Variants in ZNF804A observed in about 807,000 individuals in gnomAD.
ZNF804A encodes zinc finger protein 804A.
In ZNF804A, 2 loss-of-function variants were observed where a neutral mutation model predicts 16.5. The observed-to-expected ratio is 0.12, with a 90% CI of 0.05 to 0.38. The LOEUF (loss-of-function observed/expected upper bound fraction) is 0.38. Among genes scored for constraint, ZNF804A ranks in the 10% least tolerant of loss-of-function variants. The pLI is 0.99. For synonymous variants in ZNF804A, 534 were observed against 489.6 expected, an observed-to-expected ratio of 1.09 and a Z score of -1.20; for missense variants, 1,473 against 1,390.7, an observed-to-expected ratio of 1.06 and a Z score of -0.94.
chr2:184,822,209 C>G (rs1329242630), intron 1 of ZNF804A, among the ~76,000 whole-genome samples: 1 of 152,084 alleles, frequency 6.6e-6, no homozygotes, highest in East Asian at 1.9e-4. Flanking sequence ...TACATATACA[C>G]CATGGAATAC....
chr2:184,761,250 T>C (rs925477008), intron 1 of ZNF804A, among the ~76,000 whole-genome samples: 2 of 152,120 alleles, frequency 1.3e-5, no homozygotes, highest in East Asian at 1.9e-4. Flanking sequence ...GCAAGCACAG[T>C]TGGGATATTT....
chr2:184,661,580 A>G (rs1190181102), intron 1 of ZNF804A, among the ~76,000 whole-genome samples: 2 of 152,192 alleles, frequency 1.3e-5, no homozygotes, highest in African/African-American at 4.8e-5. Context: ...CTGGTCCAGC[A>G]GTAGGCTTGG....
intron 1 of ZNF804A, among the ~76,000 whole-genome samples, chr2:184,644,781 A>G (rs1305143665): frequency 6.6e-6 from 1 of 152,052 alleles, no homozygotes; most frequent in Non-Finnish European, 1.5e-5. Flanking sequence ...TTTTCATTTT[A>G]AGAATTATCA....
At chr2:184,842,605 T>C (rs147456970) in intron 1 of ZNF804A, among the ~76,000 whole-genome samples, 7 of 152,168 alleles carry the variant, frequency 4.6e-5, no homozygotes, top group Non-Finnish European at 8.8e-5. Context: ...TTTTAAAATC[T>C]GTATTTGACT....
At position 184,714,602 on chromosome 2, in the gene ZNF804A, A is replaced by G. The variant is rs554405734; in HGVS notation, c.111+115532A>G. 7.9e-5 allele frequency among the ~76,000 whole-genome samples: 12 copies of G among 152,240 alleles called. No homozygotes were observed. The South Asian group carries it at 2.5e-3, about 32-fold the overall frequency. On this transcript the variant is annotated intron_variant, in intron 1 of 3. Coordinates refer to ENST00000302277, the MANE Select transcript of ZNF804A (RefSeq NM_194250.2). Reference sequence around the variant, plus strand: ...TAAGAAAGCATTCAGAGAACAGTGAATGTGAAGAGTGGCTTGGTTGCTGTA... The same window carrying G: ...TAAGAAAGCATTCAGAGAACAGTGAGTGTGAAGAGTGGCTTGGTTGCTGTA...
At chr2:184,840,489 A>G (rs952107138) in intron 1 of ZNF804A, among the ~76,000 whole-genome samples, 1 of 152,174 alleles carries the variant, frequency 6.6e-6, no homozygotes, top group Non-Finnish European at 1.5e-5. Flanking sequence ...TTCAAGAAAT[A>G]ACATGTTAAA....
At chr2:184,641,956 C>T (rs1487338456) in intron 1 of ZNF804A, among the ~76,000 whole-genome samples, 1 of 152,168 alleles carries the variant, frequency 6.6e-6, no homozygotes, top group Non-Finnish European at 1.5e-5. Flanking sequence ...GAATGTCACT[C>T]ATCTGATAGA....
chr2:184,938,136 C>T lies in ZNF804A; in HGVS notation c.2740C>T (p.Pro914Ser), dbSNP rs2105845053. Residue 914 changes from proline to serine, a missense_variant, in exon 4 of 4, where the codon CCC becomes TCC. By Grantham distance (74) the Pro-to-Ser change is moderately conservative. Transcript: ENST00000302277. Reference protein sequence around the residue: ...SGELSDVSNDPTTSVCVASAP... With the variant: ...SGELSDVSNDSTTSVCVASAP... ...TGAATTGTCAGATGTTTCCAATGAT[C>T]CCACCACATCTGTCTGTGTAGCTAG... is the stretch of plus-strand genomic sequence containing the variant. 6.2e-7 allele frequency: 1 copy of T among 1,614,058 alleles called. No homozygotes were observed. Among genetic ancestry groups the T allele is most frequent in the Non-Finnish European group, 8.5e-7 (1 of 1,180,002 alleles).
chr2:184,710,915 C>T (rs937948461), intron 1 of ZNF804A, among the ~76,000 whole-genome samples: 1 of 151,790 alleles, frequency 6.6e-6, no homozygotes, highest in African/African-American at 2.4e-5. Flanking sequence ...CATTGATGGA[C>T]ATTTAGGTTG....
chr2:184,691,068 C>T (rs1003626817), intron 1 of ZNF804A, among the ~76,000 whole-genome samples: 1 of 151,844 alleles, frequency 6.6e-6, no homozygotes, highest in Non-Finnish European at 1.5e-5. Context: ...ATATATTTAG[C>T]GGGGTTCACT....
At chr2:184,836,707 T>TA (rs1390136629) in intron 1 of ZNF804A, among the ~76,000 whole-genome samples, 5 of 151,402 alleles carry the variant, frequency 3.3e-5, no homozygotes, top group South Asian at 4.2e-4. Flanking sequence ...ATTTTTTTTT[T>TA]ATGATAGACT....
intron 1 of ZNF804A, among the ~76,000 whole-genome samples, chr2:184,664,382 T>C (rs903617864): frequency 6.6e-6 from 1 of 152,174 alleles, no homozygotes; most frequent in Non-Finnish European, 1.5e-5. Context: ...CTTAATAATC[T>C]ACACAAGTAA....
intron 1 of ZNF804A, among the ~76,000 whole-genome samples, chr2:184,762,672 G>A (rs537870299): frequency 6.6e-6 from 1 of 151,960 alleles, no homozygotes; most frequent in East Asian, 1.9e-4. Flanking sequence ...AAAATTTGGG[G>A]ACTATTTATC....
chr2:184,738,725 T>C (rs995360637), intron 1 of ZNF804A, among the ~76,000 whole-genome samples: 2 of 152,198 alleles, frequency 1.3e-5, no homozygotes, highest in African/African-American at 4.8e-5. Context: ...AAGATACTAA[T>C]GTAATTGAAA....
intron 1 of ZNF804A, among the ~76,000 whole-genome samples, chr2:184,865,141 A>C (rs530229677): frequency 1.8e-4 from 28 of 152,136 alleles, no homozygotes; most frequent in African/African-American, 6.7e-4. Flanking sequence ...GGGCCTTCCA[A>C]AGTGCTGGGA....
intron 1 of ZNF804A, among the ~76,000 whole-genome samples, chr2:184,713,140 T>C (rs1693156604): frequency 6.6e-6 from 1 of 151,720 alleles, no homozygotes; most frequent in Non-Finnish European, 1.5e-5. Flanking sequence ...CCTCTCCCAG[T>C]CTTTACAGAC....
intron 2 of ZNF804A, among the ~76,000 whole-genome samples, chr2:184,905,284 C>A (rs191552265): frequency 6.6e-6 from 1 of 152,052 alleles, no homozygotes; most frequent in Non-Finnish European, 1.5e-5. Flanking sequence ...TGATTCTTTT[C>A]GATAATACTC....
chr2:184,751,482 A>G (rs919275470), intron 1 of ZNF804A, among the ~76,000 whole-genome samples: 1 of 151,478 alleles, frequency 6.6e-6, no homozygotes, highest in African/African-American at 2.4e-5. Flanking sequence ...TATGGCACCA[A>G]AGACATAGGT....
At chr2:184,781,619 A>C (rs1694372491) in intron 1 of ZNF804A, among the ~76,000 whole-genome samples, 1 of 151,768 alleles carries the variant, frequency 6.6e-6, no homozygotes, top group African/African-American at 2.4e-5. Flanking sequence ...TTGGAGTCAA[A>C]AGTGCTGTGT....
Sources: gnomAD v4.1 joint callset for allele counts (sites outside exome capture counted in the v4.1 genomes callset) on GRCh38, gnomAD v4.1.1 for gene constraint, MANE v1.5 for transcripts, NCBI Gene and HGNC (gene_info 2026-07-23, HGNC 2026-07-21) for gene names.